The following GNG12 variants were observed in gnomAD, a reference collection of about 807,000 sequenced individuals.
GNG12 encodes guanine nucleotide-binding protein G(I)/G(S)/G(O) subunit gamma-12.
For missense variants in GNG12, 69 were observed against 83.8 expected, an observed-to-expected ratio of 0.82 and a Z score of 0.69; for synonymous variants, 28 against 29.7, an observed-to-expected ratio of 0.94 and a Z score of 0.19.
intron 2 of GNG12, among the ~76,000 whole-genome samples, chr1:67,749,212 T>C (rs1646524804): frequency 6.6e-6 from 1 of 152,260 alleles, no homozygotes; most frequent in Admixed American, 6.5e-5. Context: ...GTTCGCATCC[T>C]GCCTTTGTCA....
chr1:67,790,593 T>C (rs139945189), intron 1 of GNG12, among the ~76,000 whole-genome samples: 4 of 149,320 alleles, frequency 2.7e-5, no homozygotes, highest in Admixed American at 6.9e-5. Context: ...CCTGACTGCA[T>C]AGGCCATAGT....
intron 1 of GNG12, among the ~76,000 whole-genome samples, chr1:67,793,988 G>C (rs1203115650): frequency 6.6e-6 from 1 of 152,102 alleles, no homozygotes; most frequent in East Asian, 1.9e-4. Context: ...ACGGAGGAGG[G>C]GGGATAAACT....
chr1:67,806,434 T>C (rs1646894779), intron 1 of GNG12, among the ~76,000 whole-genome samples: 2 of 152,066 alleles, frequency 1.3e-5, no homozygotes, highest in Non-Finnish European at 2.9e-5. Context: ...TTACGGGATG[T>C]GAAACCCACA....
chr1:67,769,631 T>G (rs1306895864), intron 2 of GNG12, among the ~76,000 whole-genome samples: 1 of 152,096 alleles, frequency 6.6e-6, no homozygotes, highest in Non-Finnish European at 1.5e-5. Context: ...GTTATACAGG[T>G]GCACGTTGGT....
chr1:67,824,235 C>CA (rs1411212771), intron 1 of GNG12, among the ~76,000 whole-genome samples: 2 of 152,006 alleles, frequency 1.3e-5, no homozygotes, highest in African/African-American at 4.8e-5. Flanking sequence ...TGGGGCTGGG[C>CA]ACGGTGGATC....
chr1:67,787,616 G>A (rs575176056), intron 1 of GNG12, among the ~76,000 whole-genome samples: 10 of 152,288 alleles, frequency 6.6e-5, no homozygotes, highest in Middle Eastern at 3.4e-3. Context: ...GACCTCTAGA[G>A]AGAGGGCAAG....
chr1:67,754,706 G>A (rs949398567), intron 2 of GNG12, among the ~76,000 whole-genome samples: 1 of 152,188 alleles, frequency 6.6e-6, no homozygotes, highest in Non-Finnish European at 1.5e-5. Context: ...TGCTGATGCA[G>A]GAAGCCACAG....
intron 1 of GNG12, among the ~76,000 whole-genome samples, chr1:67,783,234 C>T (rs1412994333): frequency 6.6e-6 from 1 of 152,184 alleles, no homozygotes; most frequent in Non-Finnish European, 1.5e-5. Context: ...TTTCCTAAAT[C>T]AATCCCCTAA....
At chr1:67,709,916 A>ATATATATTTTTATATAGT (rs1646274377) in intron 2 of GNG12, among the ~76,000 whole-genome samples, 1 of 46,462 alleles carries the variant, frequency 2.2e-5, no homozygotes, top group African/African-American at 7.5e-5. Flanking sequence ...ATATAGTTAT[A>ATATATATTTTTATATAGT]TATATAGTTA....
At chr1:67,786,350 C>T (rs1253386018) in intron 1 of GNG12, among the ~76,000 whole-genome samples, 1 of 152,096 alleles carries the variant, frequency 6.6e-6, no homozygotes, top group African/African-American at 2.4e-5. Flanking sequence ...ATGCCCAGTG[C>T]CTTGTGGGAC....
In GNG12 at chr1:67,765,244, C is replaced by T. The variant is rs1285571287; in HGVS notation, c.-27+12214G>A. Among the ~76,000 whole-genome samples, 6 of 152,186 alleles carry T rather than the reference C, an allele frequency of 3.9e-5. No homozygotes were observed. In the East Asian group the frequency reaches 9.6e-4, roughly 24 times the overall value. ...GGCGATTAAGCTGATGCACGAGTAA[C>T]GATCTCTTAACAATGCCATGCCATC... On this transcript the variant is annotated intron_variant, in intron 2 of 3. Coordinates refer to ENST00000370982, the MANE Select transcript of GNG12 (RefSeq NM_018841.6).
intron 1 of GNG12, among the ~76,000 whole-genome samples, chr1:67,804,014 G>T (rs1023999359): frequency 6.6e-6 from 1 of 152,170 alleles, no homozygotes; most frequent in Non-Finnish European, 1.5e-5. Flanking sequence ...AGAACGGCTG[G>T]CTTTGGCAAA....
chr1:67,741,933 T>G (rs1241054726), intron 2 of GNG12, among the ~76,000 whole-genome samples: 2 of 152,240 alleles, frequency 1.3e-5, no homozygotes. Context: ...CACTTGGATA[T>G]GGCCTGGCCT....
chr1:67,828,684 G>A (rs1459023508), intron 1 of GNG12, among the ~76,000 whole-genome samples: 1 of 152,220 alleles, frequency 6.6e-6, no homozygotes, highest in Non-Finnish European at 1.5e-5. Context: ...TGAAGGTGCT[G>A]TAAAAACGCA....
At chr1:67,749,214 C>T (rs1192268017) in intron 2 of GNG12, among the ~76,000 whole-genome samples, 1 of 152,176 alleles carries the variant, frequency 6.6e-6, no homozygotes, top group East Asian at 1.9e-4. Context: ...TCGCATCCTG[C>T]CTTTGTCATT....
At chr1:67,833,293 C>G (rs1372831106) in intron 1 of GNG12, 51 bp downstream of exon 1, 1 of 744,144 alleles carries the variant, frequency 1.3e-6, no homozygotes, top group Non-Finnish European at 1.6e-6. Flanking sequence ...CGCCGCGCCC[C>G]GACCCCGCGG....
At chr1:67,783,512 T>C (rs1231057462) in intron 1 of GNG12, among the ~76,000 whole-genome samples, 1 of 152,090 alleles carries the variant, frequency 6.6e-6, no homozygotes, top group African/African-American at 2.4e-5. Context: ...CAAAAGAAAC[T>C]ACCATCAGAG....
chr1:67,766,139 C>G (rs1646637264), intron 2 of GNG12, among the ~76,000 whole-genome samples: 1 of 147,772 alleles, frequency 6.8e-6, no homozygotes, highest in African/African-American at 2.6e-5. Flanking sequence ...CACACACACA[C>G]ACACACACAC....
chr1:67,713,684 C>T (rs952343995), intron 2 of GNG12, among the ~76,000 whole-genome samples: 4 of 152,150 alleles, frequency 2.6e-5, no homozygotes, highest in African/African-American at 7.2e-5. Flanking sequence ...CCACTGGCTC[C>T]CACTTACTCT....
Sources: gnomAD v4.1 joint callset for allele counts (sites outside exome capture counted in the v4.1 genomes callset) on GRCh38, gnomAD v4.1.1 for gene constraint, MANE v1.5 for transcripts, NCBI Gene and HGNC (gene_info 2026-07-23, HGNC 2026-07-21) for gene names.